The following SLC38A9 variants were observed in gnomAD, a reference collection of about 807,000 sequenced individuals.
The protein encoded by SLC38A9 is solute carrier family 38 member 9, also known as neutral amino acid transporter 9.
In SLC38A9, 48 loss-of-function variants were observed where a neutral mutation model predicts 62.3. The ratio of observed to expected loss-of-function variants is 0.77; its 90% confidence interval spans 0.61 to 0.98. The LOEUF is 0.98. Among genes scored for constraint, SLC38A9 ranks in the 50% least tolerant of loss-of-function variants. SLC38A9 has a pLI of 0.00. For synonymous variants in SLC38A9, 204 were observed against 227.7 expected, an observed-to-expected ratio of 0.90 and a Z score of 0.94; for missense variants, 541 against 679.8, an observed-to-expected ratio of 0.80 and a Z score of 2.27.
At chr5:55,711,305 GAAAGA>G (rs1561460632) in intron 2 of SLC38A9, 142 bp downstream of exon 2, 2 of 141,636 alleles carry the variant, frequency 1.4e-5, no homozygotes, top group South Asian at 2.3e-4. Context: ...AAAAAAAAAA[GAAAGA>G]AAAGAAAAGA....
At chr5:55,670,332 G>A (rs1371520767) in intron 4 of SLC38A9, among the ~76,000 whole-genome samples, 2 of 150,216 alleles carry the variant, frequency 1.3e-5, no homozygotes, top group South Asian at 2.1e-4. Flanking sequence ...ATTAAAAAAT[G>A]ACTTTTCAAA....
At chr5:55,691,111 C>T in intron 3 of SLC38A9, 2 of 701,608 alleles carry the variant, frequency 2.9e-6, no homozygotes, top group Middle Eastern at 2.3e-4. Flanking sequence ...TGCCTGTACC[C>T]CACTTGGCTT....
intron 11 of SLC38A9, among the ~76,000 whole-genome samples, chr5:55,647,325 GA>G (rs1336061435): frequency 2.6e-5 from 4 of 151,616 alleles, no homozygotes; most frequent in Admixed American, 2.6e-4. Context: ...ACTGCTAATA[GA>G]AAGAAAAAAA....
rs368121044 is a variant in SLC38A9 at position 55,671,502 on chromosome 5, C to T, written c.246+1061G>A. On this transcript the variant is annotated intron_variant, in intron 4 of 15. Coordinates refer to ENST00000396865, the MANE Select transcript of SLC38A9 (RefSeq NM_173514.4). ...TGTGTACATATTTCAGTTTCCCATTCTTCTTTTTTTTTTTTTTTAAGAGAT... is the reference window on the plus strand; with the variant it reads ...TGTGTACATATTTCAGTTTCCCATTTTTCTTTTTTTTTTTTTTTAAGAGAT... Among the ~76,000 whole-genome samples the T allele has an allele frequency of 6.2e-5, 9 of 144,340 alleles. 1 individual carries two copies. The highest frequency in any genetic ancestry group is 1.4e-4 in the Admixed American group (2 of 14,568). The allele number at this position is 144,340 out of a possible 152,430, so 94.7% of individuals were successfully genotyped here.
At chr5:55,633,646 T>C in intron 14 of SLC38A9, 108 bp downstream of exon 14, 1 of 1,475,566 alleles carries the variant, frequency 6.8e-7, no homozygotes, top group Non-Finnish European at 9.2e-7. Flanking sequence ...AGTCACCACT[T>C]GCATTAGGCA....
At chr5:55,685,314 T>C (rs1753626024) in intron 3 of SLC38A9, among the ~76,000 whole-genome samples, 1 of 152,316 alleles carries the variant, frequency 6.6e-6, no homozygotes, top group Non-Finnish European at 1.5e-5. Context: ...TCTGTTTCTA[T>C]GGCTTTACCG....
chr5:55,636,119 A>C (rs145663226), intron 12 of SLC38A9, among the ~76,000 whole-genome samples: 18 of 152,372 alleles, frequency 1.2e-4, no homozygotes, highest in Middle Eastern at 3.4e-3. Flanking sequence ...CCTAGACCAC[A>C]GCAGAGCAGA....
intron 3 of SLC38A9, among the ~76,000 whole-genome samples, chr5:55,685,042 T>G (rs937996936): frequency 6.6e-6 from 1 of 152,240 alleles, no homozygotes; most frequent in African/African-American, 2.4e-5. Context: ...TGGCTTTGTC[T>G]TCTTCCTGAT....
intron 12 of SLC38A9, among the ~76,000 whole-genome samples, chr5:55,642,839 A>G (rs1745654627): frequency 6.6e-6 from 1 of 152,232 alleles, no homozygotes; most frequent in Admixed American, 6.5e-5. Flanking sequence ...ATGGTCAGTA[A>G]AGATGAAGAT....
At chr5:55,644,780 A>G (rs966213620) in intron 12 of SLC38A9, among the ~76,000 whole-genome samples, 7 of 152,020 alleles carry the variant, frequency 4.6e-5, no homozygotes, top group East Asian at 1.9e-4. Context: ...GATTAGTTAC[A>G]TATGTATACA....
chr5:55,674,850 A>G (rs1751863730), intron 3 of SLC38A9, among the ~76,000 whole-genome samples: 1 of 152,216 alleles, frequency 6.6e-6, no homozygotes. Context: ...ATGATGTCCA[A>G]TATAATTTGC....
At chr5:55,700,373 A>C in intron 2 of SLC38A9, among the ~76,000 whole-genome samples, 1 of 151,720 alleles carries the variant, frequency 6.6e-6, no homozygotes, top group East Asian at 1.9e-4. Flanking sequence ...AAAAAAAAAG[A>C]ACTAAAATCC....
At chr5:55,652,357 CAAAAAAAA>C (rs60557392) in intron 10 of SLC38A9, among the ~76,000 whole-genome samples, 164 bp downstream of exon 10, 1 of 56,180 alleles carries the variant, frequency 1.8e-5, no homozygotes, top group Admixed American at 2.6e-4. Context: ...AACTCCGTCT[CAAAAAAAA>C]AAAAAAAAAA....
At chr5:55,698,948 C>CAAAG (rs1280108876) in intron 2 of SLC38A9, among the ~76,000 whole-genome samples, 1 of 151,338 alleles carries the variant, frequency 6.6e-6, no homozygotes, top group African/African-American at 2.4e-5. Context: ...TCAAATCAAA[C>CAAAG]AAAAAACAAC....
chr5:55,680,521 G>C (rs895943603), intron 3 of SLC38A9, among the ~76,000 whole-genome samples: 13 of 152,240 alleles, frequency 8.5e-5, no homozygotes, highest in African/African-American at 3.1e-4. Context: ...CAGCTCTTCT[G>C]ACATGGATGA....
intron 3 of SLC38A9, among the ~76,000 whole-genome samples, chr5:55,677,610 C>T (rs757556922): frequency 1.2e-4 from 18 of 151,976 alleles, no homozygotes; most frequent in Non-Finnish European, 2.5e-4. Flanking sequence ...GCTGATAGCT[C>T]GCAGCAGCAA....
chr5:55,686,259 C>T (rs1209261712), intron 3 of SLC38A9, among the ~76,000 whole-genome samples: 1 of 152,184 alleles, frequency 6.6e-6, no homozygotes, highest in Non-Finnish European at 1.5e-5. Flanking sequence ...TATAAGCCTT[C>T]CTTTTTCTCC....
chr5:55,654,978 C>T (rs549161425), intron 9 of SLC38A9, among the ~76,000 whole-genome samples: 41 of 152,174 alleles, frequency 2.7e-4, no homozygotes, highest in African/African-American at 9.6e-4. Context: ...GCTCGGACTA[C>T]AGGTGCACGC....
intron 2 of SLC38A9, among the ~76,000 whole-genome samples, chr5:55,702,495 G>A (rs1756798065): frequency 6.6e-6 from 1 of 151,934 alleles, no homozygotes; most frequent in Admixed American, 6.6e-5. Flanking sequence ...CTGACCTCAA[G>A]TAATCTTTCT....
Sources: allele counts gnomAD v4.1 joint callset (sites outside exome capture counted in the v4.1 genomes callset), GRCh38; gene constraint gnomAD v4.1.1; transcripts MANE v1.5; gene names NCBI Gene and HGNC (gene_info 2026-07-23, HGNC 2026-07-21).